FHL2: variants seen among roughly 807,000 people sequenced by gnomAD.
FHL2 encodes four and a half LIM domains 2.
A neutral mutation model predicts 32.7 loss-of-function variants in FHL2; 20 were observed. That is an observed-to-expected ratio of 0.61 (90% CI 0.43 to 0.89). The LOEUF (loss-of-function observed/expected upper bound fraction) is 0.89. Ranked by LOEUF, FHL2 falls within the 40% of genes least tolerant of loss-of-function variation. FHL2 has a pLI of 0.00. For synonymous variants in FHL2, 123 were observed against 128.1 expected (o/e 0.96, Z 0.27); for missense variants, 311 against 358.6 (o/e 0.87, Z 1.07).
chr2:105,419,897 T>A (rs1255306567), intron 1 of FHL2, among the ~76,000 whole-genome samples: 1 of 152,158 alleles, frequency 6.6e-6, no homozygotes, highest in Non-Finnish European at 1.5e-5. Context: ...AGTTTTATTT[T>A]CCTCCCCTAT....
chr2:105,369,198 G>T (rs1680849189), intron 4 of FHL2, among the ~76,000 whole-genome samples: 1 of 152,190 alleles, frequency 6.6e-6, no homozygotes, highest in Non-Finnish European at 1.5e-5. Flanking sequence ...GGAATGATGG[G>T]GAATCAAGCC....
In FHL2 at chr2:105,373,684, G is replaced by A. The variant is rs1487564962; in HGVS notation, c.206C>T (p.Ser69Leu). The A allele has an allele frequency of 4.3e-6, 7 of 1,614,054 alleles. No individual in the cohort carries two copies. Among genetic ancestry groups the A allele is most frequent in the East Asian group, 2.2e-5 (1 of 44,900 alleles). The change falls in exon 4 of 7, where the codon TCG becomes TTG. Residue 69 changes from serine to leucine, a missense_variant. Physicochemically the swap from Ser to Leu is moderately radical, Grantham distance 145. Transcript: ENST00000530340. ...RHWHEACFHC[S>L]QCRNSLVDKP... ...GTCCACCAGTGAGTTTCTGCACTGC[G>A]AGCAGTGGAAACAGGCTTCATGCCA...
intron 5 of FHL2, among the ~76,000 whole-genome samples, chr2:105,364,319 C>G (rs555463808): frequency 6.6e-6 from 1 of 152,162 alleles, no homozygotes; most frequent in Non-Finnish European, 1.5e-5. Flanking sequence ...ATGCCACTCA[C>G]GAGCCTGTCT....
At chr2:105,401,064 CTTTT>C (rs10561053), upstream of FHL2, among the ~76,000 whole-genome samples, 3 of 125,510 alleles carry the variant, frequency 2.4e-5, no homozygotes, top group East Asian at 2.2e-4. Flanking sequence ...TTATTGGATT[CTTTT>C]TTTTTTTTTT....
chr2:105,417,309 G>A (rs1440116319), intron 1 of FHL2, among the ~76,000 whole-genome samples: 1 of 151,620 alleles, frequency 6.6e-6, no homozygotes, highest in African/African-American at 2.4e-5. Flanking sequence ...TTGAACCCAG[G>A]AGGCAGAGGT....
intron 1 of FHL2, among the ~76,000 whole-genome samples, chr2:105,434,071 G>A (rs1174824722): frequency 2.0e-5 from 3 of 152,078 alleles, no homozygotes; most frequent in Non-Finnish European, 4.4e-5. Context: ...AATGTTCTCA[G>A]CCTCTGCTAA....
chr2:105,374,101 C>T, intron 3 of FHL2: 1 of 306,988 alleles, frequency 3.3e-6, no homozygotes, highest in Non-Finnish European at 6.3e-6. Flanking sequence ...GAGAAACAGA[C>T]TGCAGGACAT....
At position 105,421,445 on chromosome 2, in the gene FHL2, T is replaced by A. The variant is rs149832582; in HGVS notation, c.-25+16954A>T. ...GTTAAGACCATAAGCTCAACTCTCC[T>A]GATCAAAAAGACAAACACTATTCTC... On this transcript the variant is annotated intron_variant, in intron 1 of 5. Transcript: ENST00000393352. Among the ~76,000 whole-genome samples, 10 of 152,324 alleles carry A rather than the reference T, an allele frequency of 6.6e-5. 1 individual carries two copies. The highest frequency in any genetic ancestry group is 2.4e-4 in the African/African-American group (10 of 41,568).
intron 1 of FHL2, among the ~76,000 whole-genome samples, chr2:105,398,061 AAAT>A (rs1319946719): frequency 1.3e-5 from 2 of 152,116 alleles, no homozygotes; most frequent in Non-Finnish European, 2.9e-5. Flanking sequence ...TTACCTTCCA[AAAT>A]ATGTGGAAGG....
At chr2:105,367,413 G>A (rs535122258) in intron 5 of FHL2, among the ~76,000 whole-genome samples, 157 bp downstream of exon 5, 13 of 152,164 alleles carry the variant, frequency 8.5e-5, no homozygotes, top group East Asian at 1.9e-4. Flanking sequence ...ACCCAGACCC[G>A]ATGGATAAAT....
chr2:105,399,135 A>G, upstream of FHL2: 1 of 1,384,536 alleles, frequency 7.2e-7, no homozygotes, highest in South Asian at 1.7e-5. Context: ...GCTCGCTGGC[A>G]CCGGGCGTGG....
At chr2:105,417,688 A>G (rs1286815031) in intron 1 of FHL2, among the ~76,000 whole-genome samples, 1 of 148,868 alleles carries the variant, frequency 6.7e-6, no homozygotes, top group Non-Finnish European at 1.5e-5. Flanking sequence ...CATCTCCAAA[A>G]AAAAAAAAAA....
At chr2:105,376,809 A>G (rs947650285) in intron 3 of FHL2, 9 of 152,288 alleles carry the variant, frequency 5.9e-5, no homozygotes, top group Non-Finnish European at 1.0e-4. Flanking sequence ...TGGTCTGTGC[A>G]TACAATGGAA....
At chr2:105,407,644 C>T (rs963848148) in intron 1 of FHL2, among the ~76,000 whole-genome samples, 2 of 152,008 alleles carry the variant, frequency 1.3e-5, no homozygotes, top group South Asian at 2.1e-4. Flanking sequence ...AAGGAAGTAA[C>T]CCCCAGGTTA....
At chr2:105,428,469 G>A (rs1684328651) in intron 1 of FHL2, among the ~76,000 whole-genome samples, 2 of 152,176 alleles carry the variant, frequency 1.3e-5, no homozygotes, top group Non-Finnish European at 2.9e-5. Flanking sequence ...TGGTTTGCTG[G>A]GCCTTGGAAT....
chr2:105,383,639 T>C (rs1309285844), intron 3 of FHL2, among the ~76,000 whole-genome samples: 1 of 152,196 alleles, frequency 6.6e-6, no homozygotes, highest in Non-Finnish European at 1.5e-5. Flanking sequence ...CTGTGCTATT[T>C]TAAGAGAAGA....
rs13402167 is a variant in FHL2, at chr2:105,378,369, T to C, written c.157-4636A>G. The C allele has an allele frequency of 1.1e-5, 4 of 358,954 alleles. No individual in the cohort carries two copies. In the Admixed American group the frequency reaches 1.5e-4, roughly 13 times the overall value. 22.2% of individuals were successfully genotyped at this position (358,954 alleles called of 1,614,324 possible). ...GCCTGTCCCCCCACACCCTGCTCTA[T>C]CGGATCCCACCTCGCAAGGTGAAGG... On this transcript the variant is annotated intron_variant, in intron 3 of 6. Coordinates refer to ENST00000530340, the MANE Select transcript of FHL2 (RefSeq NM_001318895.3).
intron 1 of FHL2, among the ~76,000 whole-genome samples, chr2:105,427,691 A>G (rs1201572585): frequency 2.6e-5 from 4 of 152,236 alleles, no homozygotes; most frequent in African/African-American, 9.6e-5. Flanking sequence ...AGAGTGTTTG[A>G]GGTTGCAGGC....
chr2:105,422,799 T>C (rs905297297), intron 1 of FHL2, among the ~76,000 whole-genome samples: 5 of 152,228 alleles, frequency 3.3e-5, no homozygotes, highest in African/African-American at 1.2e-4. Context: ...GGATTGTCTG[T>C]ATCAGTTATA....
Sources: allele counts gnomAD v4.1 joint callset (sites outside exome capture counted in the v4.1 genomes callset), GRCh38; gene constraint gnomAD v4.1.1; transcripts MANE v1.5; gene names NCBI Gene and HGNC (gene_info 2026-07-23, HGNC 2026-07-21).